The following NCOR2 variants were observed in gnomAD, a reference collection of about 807,000 sequenced individuals.
NCOR2 encodes the protein nuclear receptor corepressor 2, also known as CTG repeat protein 26.
A neutral mutation model predicts 262.9 loss-of-function variants in NCOR2; 81 were observed. That is an observed-to-expected ratio of 0.31 (90% confidence interval 0.26 to 0.37). The LOEUF (loss-of-function observed/expected upper bound fraction) is 0.37. Ranked by LOEUF, NCOR2 falls within the 10% of genes least tolerant of loss-of-function variation. The probability of loss-of-function intolerance (pLI) is 1.00; values close to 1 mark genes in which losing one functional copy is unlikely to be tolerated. For missense variants in NCOR2, 3,385 were observed against 3,621.4 expected (o/e 0.93, Z 1.68); for synonymous variants, 1,659 against 1,559.3 (o/e 1.06, Z -1.51).
At chr12:124,464,001 G>C (rs2046310179) in intron 5 of NCOR2, among the ~76,000 whole-genome samples, 1 of 152,140 alleles carries the variant, frequency 6.6e-6, no homozygotes, top group African/African-American at 2.4e-5. Flanking sequence ...AATAAAAGTG[G>C]GCAGGAATAA....
intron 16 of NCOR2, chr12:124,388,883 AG>A: frequency 1.5e-5 from 2 of 134,842 alleles, no homozygotes; most frequent in South Asian, 8.4e-5. Flanking sequence ...GGAGGGAGGG[AG>A]GGAGGGAGGG....
chr12:124,433,879 C>CAA (rs879336408), intron 8 of NCOR2, among the ~76,000 whole-genome samples: 45,477 of 102,812 alleles, frequency 0.44, 12,262 homozygotes, highest in Non-Finnish European at 0.56. Flanking sequence ...CACACACACA[C>CAA]ACACACACAC....
intron 1 of NCOR2, chr12:124,530,252 C>A (rs1412247284): frequency 1.3e-5 from 2 of 149,272 alleles, no homozygotes; most frequent in African/African-American, 5.0e-5. Context: ...TTAAAAGCTT[C>A]TATAACAGCA....
At chr12:124,526,461 G>A (rs916111693) in intron 1 of NCOR2, among the ~76,000 whole-genome samples, 5 of 152,180 alleles carry the variant, frequency 3.3e-5, no homozygotes, top group African/African-American at 1.2e-4. Context: ...CCTCGTACAG[G>A]ACCTGGAGTC....
upstream of NCOR2, among the ~76,000 whole-genome samples, chr12:124,536,625 T>C (rs552072414): frequency 1.4e-3 from 217 of 152,182 alleles, no homozygotes; most frequent in Non-Finnish European, 2.5e-3. Flanking sequence ...TGCTCACCCA[T>C]AGGGATGGCA....
intron 13 of NCOR2, among the ~76,000 whole-genome samples, chr12:124,413,823 G>A (rs1840090512): frequency 6.6e-6 from 1 of 152,172 alleles, no homozygotes; most frequent in African/African-American, 2.4e-5. Flanking sequence ...TAACGGCGGA[G>A]GCACTGAGAG....
At chr12:124,334,073 C>G (rs1185200228) in intron 41 of NCOR2, among the ~76,000 whole-genome samples, 1 of 146,430 alleles carries the variant, frequency 6.8e-6, no homozygotes. Context: ...AAATCCCCCT[C>G]TGTCACCTAC....
intron 8 of NCOR2, among the ~76,000 whole-genome samples, chr12:124,433,902 A>ACACACG (rs1565940592): frequency 2.8e-3 from 2 of 702 alleles, no homozygotes; most frequent in Non-Finnish European, 7.9e-3. Context: ...ACACACACGC[A>ACACACG]CACACACACA....
At chr12:124,534,791 C>A (rs1038693833) in intron 1 of NCOR2, among the ~76,000 whole-genome samples, 4 of 152,180 alleles carry the variant, frequency 2.6e-5, no homozygotes, top group African/African-American at 9.7e-5. Context: ...AGGTGACCAA[C>A]CTGTGCCTCA....
At chr12:124,332,992 T>C (rs2035344520) in intron 42 of NCOR2, 138 bp downstream of exon 44, 1 of 1,212,746 alleles carries the variant, frequency 8.2e-7, no homozygotes, top group Non-Finnish European at 1.1e-6. Flanking sequence ...TGGTGAAACC[T>C]GCTTGGCAGG....
chr12:124,543,913 C>T lies in NCOR2; in HGVS notation c.-164-8302G>A, dbSNP rs76880782. Reference sequence around the variant, plus strand: ...CTGAAGCTCAGGGTTTCGCTGCCTCCGCACAATGCTAAGCCCCTTACGATG... The same window carrying T: ...CTGAAGCTCAGGGTTTCGCTGCCTCTGCACAATGCTAAGCCCCTTACGATG... On this transcript the variant is annotated intron_variant, in intron 1 of 32. Transcript: ENST00000458234. 6.0e-3 allele frequency among the ~76,000 whole-genome samples: 917 copies of T among 152,338 alleles called. 6 individuals are homozygous for T. The highest frequency in any genetic ancestry group is 0.021 in the African/African-American group (870 of 41,576).
intron 7 of NCOR2, 70 bp downstream of exon 9, chr12:124,449,745 T>C (rs1318058469): frequency 6.7e-7 from 1 of 1,490,306 alleles, no homozygotes; most frequent in African/African-American, 1.4e-5. Flanking sequence ...CCACATCCCA[T>C]GCAGGCTGCT....
intron 13 of NCOR2, among the ~76,000 whole-genome samples, chr12:124,408,387 C>T (rs530270614): frequency 1.3e-4 from 20 of 151,946 alleles, no homozygotes; most frequent in East Asian, 1.2e-3. Flanking sequence ...TATACCAAGG[C>T]GTGCTGGAGC....
At chr12:124,448,407 G>T (rs1039451216) in intron 7 of NCOR2, among the ~76,000 whole-genome samples, 4 of 152,168 alleles carry the variant, frequency 2.6e-5, no homozygotes, top group Non-Finnish European at 2.9e-5. Flanking sequence ...GAATGAGCCC[G>T]CCAGGCCGAT....
At position 124,457,809 on chromosome 12, in the gene NCOR2, G is replaced by A. The variant is rs140301234; in HGVS notation, c.706-647C>T. 4.2e-3 allele frequency among the ~76,000 whole-genome samples: 634 copies of A among 152,294 alleles called. 7 individuals carry two copies. Among genetic ancestry groups the A allele is most frequent in the African/African-American group, 0.014 (573 of 41,564 alleles). On this transcript the variant is annotated intron_variant, in intron 5 of 46. Transcript: ENST00000405201. The surrounding 1 kb of genome is among the most constrained non-coding windows in gnomAD (Gnocchi z 4.0). Reference sequence around the variant, plus strand: ...GGCTGGACCTCCGGGCCCCCACCCCGGCCCTCGGTGTGAAGGCAGACATTG... The same window carrying A: ...GGCTGGACCTCCGGGCCCCCACCCCAGCCCTCGGTGTGAAGGCAGACATTG...
At chr12:124,560,568 C>T (rs573293823) in intron 1 of NCOR2, among the ~76,000 whole-genome samples, 130 of 152,360 alleles carry the variant, frequency 8.5e-4, no homozygotes, top group Admixed American at 8.5e-4. Flanking sequence ...AACATATTAT[C>T]ACGTAGGATG....
At position 124,324,479 on chromosome 12, in the gene NCOR2, C is replaced by T. The variant is rs1450124759; in HGVS notation, c.*923G>A. On this transcript the variant is annotated 3_prime_UTR_variant, in exon 47 of 47. Transcript: ENST00000405201. ...AATGACAGAATACCACCACCCTGCG[C>T]AGATGGCGGCCACAGAATACGCATC... 1.1e-4 allele frequency: 17 copies of T among 152,384 alleles called. No individual in the cohort carries two copies. The East Asian group carries it at 3.3e-3, about 29-fold the overall frequency. The allele number at this position is 152,384 out of a possible 1,614,324, so 9.4% of individuals were successfully genotyped here. A position where few individuals can be genotyped will look rare whatever the true frequency, so the allele number is the denominator to read the frequency against.
At chr12:124,333,833 G>GGTGTGCATGTGTGTGT (rs1434921049) in intron 41 of NCOR2, among the ~76,000 whole-genome samples, 1 of 149,278 alleles carries the variant, frequency 6.7e-6, no homozygotes, top group African/African-American at 2.5e-5. Flanking sequence ...GGGGTGTGCG[G>GGTGTGCATGTGTGTGT]GTGCGCCTGT....
chr12:124,441,203 G>A lies in NCOR2; in HGVS notation c.816-3207C>T, dbSNP rs534086481. Among the ~76,000 whole-genome samples the A allele has an allele frequency of 1.3e-5, 2 of 152,206 alleles. 1 individual carries two copies. Among genetic ancestry groups the A allele is most frequent in the South Asian group, 4.1e-4 (2 of 4,830 alleles). On this transcript the variant is annotated intron_variant, in intron 7 of 46. Coordinates refer to ENST00000405201, the Ensembl canonical transcript of NCOR2. ...TGCCCGGGCCATGGCTGATTCCAGC[G>A]CTCGGCCAGGAAGTATGCAAGAAGA...
Sources: allele counts gnomAD v4.1 joint callset (sites outside exome capture counted in the v4.1 genomes callset), GRCh38; gene constraint gnomAD v4.1.1; non-coding constraint Gnocchi (gnomAD v3.1); transcripts MANE v1.5; gene names NCBI Gene and HGNC (gene_info 2026-07-23, HGNC 2026-07-21).